MAP2K1: variants seen among roughly 807,000 people sequenced by gnomAD.
The protein encoded by MAP2K1 is mitogen-activated protein kinase kinase 1.
MAP2K1 carries 16 observed loss-of-function variants against 46.3 expected under a neutral mutation model. The ratio of observed to expected loss-of-function variants is 0.35; its 90% CI spans 0.23 to 0.52. The LOEUF (loss-of-function observed/expected upper bound fraction) is 0.52. MAP2K1 is among the 20% of genes least tolerant of loss of function. The pLI, the probability that MAP2K1 is intolerant of heterozygous loss-of-function variation, is 0.94. For synonymous variants in MAP2K1, 183 were observed against 185.6 expected (o/e 0.99, Z 0.11); for missense variants, 263 against 497.1 (o/e 0.53, Z 4.48).
chr15:66,424,198 C>T (rs985403813), intron 1 of MAP2K1, among the ~76,000 whole-genome samples: 2 of 151,910 alleles, frequency 1.3e-5, no homozygotes, highest in Non-Finnish European at 2.9e-5. Context: ...GCTGAGATTA[C>T]AGGCATATGC....
At position 66,455,314 on chromosome 15, in the gene MAP2K1, C is replaced by A. The variant is rs561226837; in HGVS notation, c.568+10607C>A. 3.9e-5 allele frequency among the ~76,000 whole-genome samples: 6 copies of A among 152,314 alleles called. No homozygotes were observed. In the East Asian group the frequency reaches 1.2e-3, roughly 29 times the overall value. ...AAAATAGTTTATAACACAAGGTGCTCTGGGTGCAATGTTTTGCTCTTTCAA... is the reference window on the plus strand; with the variant it reads ...AAAATAGTTTATAACACAAGGTGCTATGGGTGCAATGTTTTGCTCTTTCAA... On this transcript the variant is annotated intron_variant, in intron 5 of 10. Coordinates refer to ENST00000307102, the MANE Select transcript of MAP2K1 (RefSeq NM_002755.4).
intron 8 of MAP2K1, chr15:66,488,715 T>C (rs1893137083): frequency 1.1e-5 from 2 of 178,480 alleles, no homozygotes; most frequent in Non-Finnish European, 2.4e-5. Context: ...AAAAGGGATT[T>C]TTAAAAACCG....
chr15:66,474,997 G>T (rs116020398), intron 5 of MAP2K1, among the ~76,000 whole-genome samples: 1 of 151,926 alleles, frequency 6.6e-6, no homozygotes, highest in African/African-American at 2.4e-5. Context: ...TGCTAGGCTC[G>T]CCTGCACCTC....
chr15:66,389,058 C>T (rs994687409), intron 1 of MAP2K1, among the ~76,000 whole-genome samples: 1 of 151,898 alleles, frequency 6.6e-6, no homozygotes, highest in Non-Finnish European at 1.5e-5. Flanking sequence ...AGGCATGCGC[C>T]ACCATGCCCG....
rs886051370 is a variant in MAP2K1 at position 66,491,522 on chromosome 15, T to TA, written c.*917dup. Reference sequence around the variant, plus strand: ...TTATTCTAATAAATATACTATGAAATAAAAAAAAAAGGATGAAAGCTACTT... The same window carrying TA: ...TTATTCTAATAAATATACTATGAAATAAAAAAAAAAAGGATGAAAGCTACTT... On this transcript the variant is annotated 3_prime_UTR_variant, in exon 11 of 11. Transcript: ENST00000307102. 3.9e-3 allele frequency: 721 copies of TA among 183,382 alleles called. 3 individuals are homozygous for TA. The highest frequency in any genetic ancestry group is 6.1e-3 in the Non-Finnish European group (539 of 88,428). The allele number at this position is 183,382 out of a possible 1,614,324, so 11.4% of individuals were successfully genotyped here.
chr15:66,484,258 C>T (rs1892984394), intron 6 of MAP2K1, among the ~76,000 whole-genome samples: 1 of 152,038 alleles, frequency 6.6e-6, no homozygotes, highest in Non-Finnish European at 1.5e-5. Flanking sequence ...AGTGATTCTC[C>T]TGCCTCAGCC....
rs868138045 is a variant in MAP2K1 at position 66,420,873 on chromosome 15, G to A, written c.81-14154G>A. ...TATATATGTGTGTATATATATGTGT[G>A]TATATATATGTGTATATATACACAT... On this transcript the variant is annotated intron_variant, in intron 1 of 10. Transcript: ENST00000307102. 9.5e-4 allele frequency among the ~76,000 whole-genome samples: 96 copies of A among 101,404 alleles called. 19 individuals are homozygous for A. Among genetic ancestry groups the A allele is most frequent in the Middle Eastern group, 5.9e-3 (1 of 170 alleles). The allele number at this position is 101,404 out of a possible 152,430, so 66.5% of individuals were successfully genotyped here.
intron 1 of MAP2K1, among the ~76,000 whole-genome samples, chr15:66,425,196 T>C (rs2093454678): frequency 6.6e-6 from 1 of 152,178 alleles, no homozygotes; most frequent in Non-Finnish European, 1.5e-5. Context: ...GACTTTGCCT[T>C]GTATCTGCGG....
chr15:66,466,119 G>C (rs1054565351), intron 5 of MAP2K1, among the ~76,000 whole-genome samples: 1 of 151,876 alleles, frequency 6.6e-6, no homozygotes, highest in South Asian at 2.1e-4. Context: ...TATGAGGCCA[G>C]TTTTCCCAAG....
rs141712978 is a variant in MAP2K1 at position 66,480,514 on chromosome 15, G to A, written c.569-1241G>A. Among the ~76,000 whole-genome samples, 697 of 152,266 alleles carry A rather than the reference G, an allele frequency of 4.6e-3. 4 individuals carry two copies. Among genetic ancestry groups the A allele is most frequent in the African/African-American group, 0.016 (647 of 41,548 alleles). ...CTACTTGGGAGGCTGAAGCAGGTGT[G>A]TTGCTTCAGCCCAGGAGTTCAACTC... On this transcript the variant is annotated intron_variant, in intron 5 of 10. Transcript: ENST00000307102.
intron 1 of MAP2K1, among the ~76,000 whole-genome samples, chr15:66,393,198 G>C (rs1387418978): frequency 6.8e-6 from 1 of 147,120 alleles, no homozygotes; most frequent in Admixed American, 6.8e-5. Context: ...TTTTTTTTGA[G>C]ACCGAGTCTC....
chr15:66,393,976 A>G (rs190086673), intron 1 of MAP2K1, among the ~76,000 whole-genome samples: 1 of 152,204 alleles, frequency 6.6e-6, no homozygotes, highest in Non-Finnish European at 1.5e-5. Flanking sequence ...AACTGATGTT[A>G]CATCGTGTAT....
At chr15:66,426,117 G>A (rs1423608897) in intron 1 of MAP2K1, among the ~76,000 whole-genome samples, 1 of 149,696 alleles carries the variant, frequency 6.7e-6, no homozygotes, top group East Asian at 2.0e-4. Context: ...TTTAGACGGG[G>A]CCTGGGAATA....
chr15:66,433,182 C>T (rs984274105), intron 1 of MAP2K1, among the ~76,000 whole-genome samples: 1 of 152,108 alleles, frequency 6.6e-6, no homozygotes, highest in African/African-American at 2.4e-5. Flanking sequence ...GTGCACTGTG[C>T]ACCCCCAGCC....
At chr15:66,487,203 T>C (rs1893062338) in intron 7 of MAP2K1, 25 bp from the exon 8 acceptor site, 2 of 1,606,626 alleles carry the variant, frequency 1.2e-6, no homozygotes, top group Non-Finnish European at 1.7e-6. Flanking sequence ...CTGAGAAGTA[T>C]TTTTTCTTTT....
intron 6 of MAP2K1, among the ~76,000 whole-genome samples, chr15:66,483,102 C>A (rs1307358245): frequency 6.6e-6 from 1 of 152,152 alleles, no homozygotes; most frequent in Non-Finnish European, 1.5e-5. Flanking sequence ...CTTGCTGAGC[C>A]AGGATTGAAA....
intron 1 of MAP2K1, among the ~76,000 whole-genome samples, chr15:66,434,307 C>G (rs961823444): frequency 1.3e-5 from 2 of 152,082 alleles, no homozygotes; most frequent in Non-Finnish European, 2.9e-5. Context: ...CTTTAACCAG[C>G]TTTAACAAAT....
At chr15:66,478,147 C>G (rs935443988) in intron 5 of MAP2K1, among the ~76,000 whole-genome samples, 1 of 151,630 alleles carries the variant, frequency 6.6e-6, no homozygotes, top group East Asian at 1.9e-4. Context: ...CTGTTCACAT[C>G]GTTGCTCAAA....
rs1009325282 is a variant in MAP2K1 at position 66,442,294 on chromosome 15, C to T, written c.439-986C>T. 4.6e-5 allele frequency among the ~76,000 whole-genome samples: 7 copies of T among 152,204 alleles called. No homozygotes were observed. In the East Asian group the frequency reaches 1.3e-3, roughly 29 times the overall value. On this transcript the variant is annotated intron_variant, in intron 3 of 10. Transcript: ENST00000307102. ...GGGTTCTGGTCACAGCCGGCCATTTCTAGCTTGCACCTCTTCATGCACCAA... is the reference window on the plus strand; with the variant it reads ...GGGTTCTGGTCACAGCCGGCCATTTTTAGCTTGCACCTCTTCATGCACCAA...
Sources: allele counts gnomAD v4.1 joint callset (sites outside exome capture counted in the v4.1 genomes callset), GRCh38; gene constraint gnomAD v4.1.1; transcripts MANE v1.5; gene names NCBI Gene and HGNC (gene_info 2026-07-23, HGNC 2026-07-21).